The following FGGY variants were observed in gnomAD, a reference collection of about 807,000 sequenced individuals.
FGGY encodes the protein FGGY carbohydrate kinase domain containing.
FGGY carries 72 observed loss-of-function variants against 71.3 expected under a neutral mutation model. That is an observed-to-expected ratio of 1.01 (90% CI 0.84 to 1.23). The LOEUF (loss-of-function observed/expected upper bound fraction) is 1.23, where lower values mean the gene tolerates loss of function less well. Ranked by LOEUF, FGGY falls within the 50% of genes most tolerant of loss-of-function variation. FGGY has a pLI of 0.00. For synonymous variants in FGGY, 251 were observed against 250.3 expected, an observed-to-expected ratio of 1.00 and a Z score of -0.02; for missense variants, 668 against 682.3, an observed-to-expected ratio of 0.98 and a Z score of 0.23.
At chr1:59,646,268 A>C (rs1363006429) in intron 11 of FGGY, among the ~76,000 whole-genome samples, 1 of 152,156 alleles carries the variant, frequency 6.6e-6, no homozygotes, top group Non-Finnish European at 1.5e-5. Context: ...GGTCTCTTTG[A>C]TATGAGTTTG....
At chr1:59,539,591 A>G (rs35286313) in intron 7 of FGGY, among the ~76,000 whole-genome samples, 3,215 of 152,304 alleles carry the variant, frequency 0.021, 59 homozygotes, top group Non-Finnish European at 0.035. Context: ...TCCTTATACT[A>G]TGCATACAAA....
intron 6 of FGGY, among the ~76,000 whole-genome samples, chr1:59,503,416 G>T (rs750577266): frequency 1.3e-5 from 2 of 151,814 alleles, no homozygotes; most frequent in South Asian, 2.1e-4. Flanking sequence ...CCAGTTGCTT[G>T]TTGGACTTCT....
rs372475252 is a variant in FGGY at position 59,346,396 on chromosome 1, G to A, written c.463G>A (p.Glu155Lys). The A allele has an allele frequency of 3.0e-5, 49 of 1,611,204 alleles. No homozygotes were observed. In the Middle Eastern group the frequency reaches 6.7e-4, roughly 22 times the overall value. Reference sequence around the variant, plus strand: ...GGCCCCGAAACTTCTGTGGCTGAAAGAGGTGAGTGCATAGGGTCTAAGAGA... The same window carrying A: ...GGCCCCGAAACTTCTGTGGCTGAAAAAGGTGAGTGCATAGGGTCTAAGAGA... Reference protein sequence around the residue: ...MQAPKLLWLKENLREICWDKA... With the variant: ...MQAPKLLWLKKNLREICWDKA... Residue 155 changes from glutamate (E) to lysine (K), a missense_variant and splice_region_variant, in exon 4 of 16, where the codon GAG (glutamate) becomes AAG (lysine). Physicochemically the swap from Glu to Lys is moderately conservative, Grantham distance 56. Transcript: ENST00000303721.
intron 7 of FGGY, among the ~76,000 whole-genome samples, chr1:59,519,247 A>AT (rs2153643599): frequency 6.6e-6 from 1 of 152,336 alleles, no homozygotes; most frequent in Non-Finnish European, 1.5e-5. Flanking sequence ...GACCCTAAAA[A>AT]TGTGAGCAAG....
intron 7 of FGGY, among the ~76,000 whole-genome samples, chr1:59,549,872 TAAGA>T (rs1175162040): frequency 6.6e-6 from 1 of 152,244 alleles, no homozygotes; most frequent in Admixed American, 6.5e-5. Flanking sequence ...GCATATTAAA[TAAGA>T]GAGCTGTTCA....
At chr1:59,354,132 C>T (rs1355116915) in intron 4 of FGGY, among the ~76,000 whole-genome samples, 2 of 151,984 alleles carry the variant, frequency 1.3e-5, no homozygotes, top group East Asian at 1.9e-4. Context: ...GGTTGGAGTA[C>T]AGTAGCACAG....
chr1:59,367,614 G>A (rs1571082605), intron 4 of FGGY, among the ~76,000 whole-genome samples: 1 of 152,234 alleles, frequency 6.6e-6, no homozygotes, highest in East Asian at 1.9e-4. Context: ...AACTGGTCAT[G>A]CCTATCTTCT....
At chr1:59,558,390 C>T (rs559535596) in intron 8 of FGGY, among the ~76,000 whole-genome samples, 52 of 152,062 alleles carry the variant, frequency 3.4e-4, no homozygotes, top group African/African-American at 1.1e-3. Context: ...AAGAGTACAA[C>T]GAGAGGAATT....
chr1:59,595,313 C>G (rs910163565), intron 8 of FGGY, among the ~76,000 whole-genome samples: 10 of 122,372 alleles, frequency 8.2e-5, no homozygotes, highest in African/African-American at 4.0e-4. Flanking sequence ...ATTTGTAATG[C>G]CTTTTTTTAA....
At chr1:59,444,186 G>T (rs931165733) in intron 5 of FGGY, among the ~76,000 whole-genome samples, 1 of 152,212 alleles carries the variant, frequency 6.6e-6, no homozygotes, top group Non-Finnish European at 1.5e-5. Flanking sequence ...GGAGTAGACA[G>T]ATGCTTGATG....
At chr1:59,480,507 G>A (rs1025093337) in intron 6 of FGGY, among the ~76,000 whole-genome samples, 3 of 152,134 alleles carry the variant, frequency 2.0e-5, no homozygotes, top group Admixed American at 6.6e-5. Context: ...GGCCAGAACC[G>A]TATTACATAC....
intron 14 of FGGY, among the ~76,000 whole-genome samples, chr1:59,740,646 C>CT (rs1475213934): frequency 6.6e-6 from 1 of 152,220 alleles, no homozygotes. Context: ...CAGATACAGT[C>CT]TTTTTCTCCT....
intron 12 of FGGY, among the ~76,000 whole-genome samples, chr1:59,663,751 G>T (rs892697816): frequency 2.6e-5 from 4 of 152,064 alleles, no homozygotes; most frequent in Non-Finnish European, 4.4e-5. Context: ...AATGTATCTG[G>T]ATGTGCTGAT....
intron 15 of FGGY, among the ~76,000 whole-genome samples, chr1:59,758,458 T>A (rs2101873798): frequency 6.6e-6 from 1 of 152,338 alleles, no homozygotes. Context: ...CAGGCAGGTG[T>A]TACAGGGGAA....
intron 8 of FGGY, among the ~76,000 whole-genome samples, chr1:59,564,912 G>C (rs1326768848): frequency 1.3e-5 from 2 of 152,120 alleles, no homozygotes; most frequent in Non-Finnish European, 2.9e-5. Flanking sequence ...CCTGAGCCCA[G>C]TTTTCCACAA....
At chr1:59,425,118 A>G (rs1353680445) in intron 5 of FGGY, among the ~76,000 whole-genome samples, 1 of 152,234 alleles carries the variant, frequency 6.6e-6, no homozygotes, top group Non-Finnish European at 1.5e-5. Context: ...CGTAAAAGCG[A>G]TATCATATAT....
chr1:59,340,519 G>C (rs1188492634), intron 3 of FGGY, among the ~76,000 whole-genome samples: 1 of 152,196 alleles, frequency 6.6e-6, no homozygotes, highest in African/African-American at 2.4e-5. Flanking sequence ...ACAGATAGAA[G>C]GTAGAAGCAG....
intron 5 of FGGY, among the ~76,000 whole-genome samples, chr1:59,435,438 G>T (rs534223711): frequency 4.6e-4 from 70 of 152,242 alleles, no homozygotes; most frequent in African/African-American, 1.7e-3. Context: ...TGAGGTTGGT[G>T]CAGTGACATC....
chr1:59,363,921 A>T (rs900037767), intron 4 of FGGY, among the ~76,000 whole-genome samples: 1 of 152,238 alleles, frequency 6.6e-6, no homozygotes, highest in African/African-American at 2.4e-5. Context: ...GCCTTTGTCC[A>T]TGCCCAGCGG....
Sources: gnomAD v4.1 joint callset for allele counts (sites outside exome capture counted in the v4.1 genomes callset) on GRCh38, gnomAD v4.1.1 for gene constraint, MANE v1.5 for transcripts, NCBI Gene and HGNC (gene_info 2026-07-23, HGNC 2026-07-21) for gene names.